Variants in CEP128 observed in about 807,000 individuals in gnomAD.
The protein encoded by CEP128 is centrosomal protein 128kDa.
A neutral mutation model predicts 156.7 loss-of-function variants in CEP128; 132 were observed. The observed-to-expected ratio is 0.84, with a 90% CI of 0.73 to 0.97. The LOEUF is 0.97. CEP128 is among the 50% of genes least tolerant of loss of function. The pLI, the probability that CEP128 is intolerant of heterozygous loss-of-function variation, is 0.00. For missense variants in CEP128, 1,252 were observed against 1,281.9 expected, an observed-to-expected ratio of 0.98 and a Z score of 0.36; for synonymous variants, 469 against 448.9, an observed-to-expected ratio of 1.04 and a Z score of -0.57.
chr14:80,649,033 A>G (rs1894781091), intron 19 of CEP128, among the ~76,000 whole-genome samples: 1 of 152,176 alleles, frequency 6.6e-6, no homozygotes, highest in African/African-American at 2.4e-5. Flanking sequence ...AAATTACAAA[A>G]TACTGACCTT....
intron 13 of CEP128, among the ~76,000 whole-genome samples, chr14:80,825,176 C>T (rs551872149): frequency 1.1e-4 from 17 of 152,336 alleles, no homozygotes; most frequent in Middle Eastern, 6.8e-3. Context: ...CCTCCCACAA[C>T]GGTGGGGATT....
At position 80,764,937 on chromosome 14, in the gene CEP128, T is replaced by C. The variant is rs1595366297; in HGVS notation, c.2377-3324A>G. Among the ~76,000 whole-genome samples the C allele has an allele frequency of 2.0e-5, 3 of 152,232 alleles. No homozygotes were observed. In the South Asian group the frequency reaches 6.2e-4, roughly 31 times the overall value. On this transcript the variant is annotated intron_variant, in intron 16 of 24. Coordinates refer to ENST00000555265, the MANE Select transcript of CEP128 (RefSeq NM_152446.5). ...ATTGTCTGCATGTACTCCAAGATCC[T>C]AAATCCAAGAGTTAAGTAAGCTCTT...
intron 19 of CEP128, among the ~76,000 whole-genome samples, chr14:80,592,438 C>G (rs1347734857): frequency 1.3e-5 from 2 of 152,082 alleles, no homozygotes; most frequent in Non-Finnish European, 2.9e-5. Flanking sequence ...ATACACCCTC[C>G]CAAGACTAAA....
chr14:80,896,666 T>C (rs1017468651), intron 7 of CEP128, among the ~76,000 whole-genome samples: 1 of 152,230 alleles, frequency 6.6e-6, no homozygotes, highest in Non-Finnish European at 1.5e-5. Flanking sequence ...TTTAGCCAGC[T>C]TCACACTTGG....
At chr14:80,852,494 A>C (rs893746895) in intron 9 of CEP128, among the ~76,000 whole-genome samples, 4 of 151,910 alleles carry the variant, frequency 2.6e-5, no homozygotes, top group African/African-American at 9.7e-5. Context: ...TAATCCTTTA[A>C]ATGAAGAGAA....
At chr14:80,933,124 A>C (rs956994672) in intron 2 of CEP128, among the ~76,000 whole-genome samples, 5 of 151,972 alleles carry the variant, frequency 3.3e-5, no homozygotes, top group African/African-American at 1.2e-4. Flanking sequence ...AGACAACCTC[A>C]CAGTCAATCC....
intron 19 of CEP128, among the ~76,000 whole-genome samples, chr14:80,730,009 T>TA (rs1898203864): frequency 6.6e-6 from 1 of 152,194 alleles, no homozygotes; most frequent in African/African-American, 2.4e-5. Flanking sequence ...TGATGTGGAA[T>TA]AAGAGATGGT....
chr14:80,732,999 G>A (rs189450841), intron 19 of CEP128, among the ~76,000 whole-genome samples: 1 of 152,204 alleles, frequency 6.6e-6, no homozygotes, highest in Admixed American at 6.5e-5. Flanking sequence ...TTTGGAGTAC[G>A]TCTGTGAGGG....
intron 19 of CEP128, among the ~76,000 whole-genome samples, chr14:80,589,623 T>C (rs1891963167): frequency 6.6e-6 from 1 of 152,136 alleles, no homozygotes; most frequent in Admixed American, 6.6e-5. Context: ...AATTTCTTAC[T>C]GAGTTGCCTA....
At chr14:80,802,135 C>T (rs1883907186) in intron 13 of CEP128, among the ~76,000 whole-genome samples, 1 of 151,916 alleles carries the variant, frequency 6.6e-6, no homozygotes, top group Non-Finnish European at 1.5e-5. Flanking sequence ...AGGGTGATTC[C>T]TCAAGAATCT....
At chr14:80,599,524 C>T (rs1892494156) in intron 19 of CEP128, among the ~76,000 whole-genome samples, 1 of 152,040 alleles carries the variant, frequency 6.6e-6, no homozygotes, top group South Asian at 2.1e-4. Context: ...ATCCACCCGC[C>T]TTAGCCTCCC....
At chr14:80,838,314 A>G (rs2140073961) in intron 10 of CEP128, 36 bp from the exon 11 acceptor site, 1 of 1,465,618 alleles carries the variant, frequency 6.8e-7, no homozygotes, top group East Asian at 2.3e-5. Context: ...AAAATGCCCA[A>G]TGGAGCAGAA....
At chr14:80,490,910 T>G in intron 6 of CEP128, among the ~76,000 whole-genome samples, 1 of 146,820 alleles carries the variant, frequency 6.8e-6, no homozygotes, top group African/African-American at 2.5e-5. Flanking sequence ...GAGGACTTGT[T>G]GTAACACAGA....
chr14:80,825,873 C>A (rs1452230077), intron 13 of CEP128, among the ~76,000 whole-genome samples: 1 of 151,950 alleles, frequency 6.6e-6, no homozygotes, highest in Non-Finnish European at 1.5e-5. Flanking sequence ...TTTGGAAGGC[C>A]AAGACGGGCG....
At chr14:80,815,916 G>A (rs1884826174) in intron 13 of CEP128, among the ~76,000 whole-genome samples, 1 of 152,094 alleles carries the variant, frequency 6.6e-6, no homozygotes, top group African/African-American at 2.4e-5. Context: ...AATAGATACT[G>A]GAGACCCACG....
intron 19 of CEP128, among the ~76,000 whole-genome samples, chr14:80,740,543 T>TAGATAGATAGAC (rs71103880): frequency 4.8e-4 from 69 of 142,852 alleles, no homozygotes; most frequent in Non-Finnish European, 6.6e-4. Context: ...GATAGATAGA[T>TAGATAGATAGAC]AGACAGACAG....
At chr14:80,630,263 G>C (rs137858471) in intron 19 of CEP128, among the ~76,000 whole-genome samples, 1 of 151,928 alleles carries the variant, frequency 6.6e-6, no homozygotes, top group African/African-American at 2.4e-5. Flanking sequence ...GAAAATTACA[G>C]TCTATAAACT....
At chr14:80,765,304 T>C (rs1426060374) in intron 16 of CEP128, among the ~76,000 whole-genome samples, 2 of 152,238 alleles carry the variant, frequency 1.3e-5, no homozygotes, top group Non-Finnish European at 1.5e-5. Context: ...ATAGATGTGC[T>C]GACTAAGCAA....
intron 9 of CEP128, among the ~76,000 whole-genome samples, chr14:80,855,262 TCA>T (rs1321841769): frequency 6.6e-6 from 1 of 152,144 alleles, no homozygotes; most frequent in Non-Finnish European, 1.5e-5. Flanking sequence ...CCCATGGGGC[TCA>T]CACAGTCCTG....
Sources: gnomAD v4.1 joint callset for allele counts (sites outside exome capture counted in the v4.1 genomes callset) on GRCh38, gnomAD v4.1.1 for gene constraint, MANE v1.5 for transcripts, NCBI Gene and HGNC (gene_info 2026-07-23, HGNC 2026-07-21) for gene names.